ADCY2: variants seen among roughly 807,000 people sequenced by gnomAD.
The protein encoded by ADCY2 is adenylate cyclase 2.
In ADCY2, 31 loss-of-function variants were observed where a neutral mutation model predicts 125.2. That is an observed-to-expected ratio of 0.25 (90% CI 0.19 to 0.33). The LOEUF (loss-of-function observed/expected upper bound fraction) is 0.33. Among genes scored for constraint, ADCY2 ranks in the 10% least tolerant of loss-of-function variants. ADCY2 has a pLI of 1.00. For synonymous variants in ADCY2, 512 were observed against 548.4 expected (o/e 0.93, Z 0.93); for missense variants, 904 against 1,418.2 (o/e 0.64, Z 5.82).
At chr5:7,770,763 C>T (rs1743529814) in intron 17 of ADCY2, among the ~76,000 whole-genome samples, 1 of 152,158 alleles carries the variant, frequency 6.6e-6, no homozygotes, top group Non-Finnish European at 1.5e-5. Context: ...TTTTAAAATA[C>T]TCAAGACTAT....
At chr5:7,585,951 T>C (rs1180756766) in intron 3 of ADCY2, among the ~76,000 whole-genome samples, 2 of 152,232 alleles carry the variant, frequency 1.3e-5, no homozygotes, top group African/African-American at 4.8e-5. Context: ...CTTAAATATA[T>C]ACAGTTTCTT....
In ADCY2 at chr5:7,761,114, T is replaced by C. The variant is rs576594765; in HGVS notation, c.2094+3528T>C. 3.3e-5 allele frequency among the ~76,000 whole-genome samples: 5 copies of C among 151,712 alleles called. No homozygotes were observed. In the South Asian group the frequency reaches 8.3e-4, roughly 25 times the overall value. On this transcript the variant is annotated intron_variant, in intron 16 of 24. Transcript: ENST00000338316. ...AGGCTGGATAATATTCCATTGTGTA[T>C]GTGTGTGTATCAAAATTTCTTTTCT... is the stretch of plus-strand genomic sequence containing the variant.
intron 4 of ADCY2, among the ~76,000 whole-genome samples, chr5:7,651,952 A>G (rs1021029113): frequency 5.9e-5 from 9 of 152,048 alleles, no homozygotes; most frequent in African/African-American, 1.9e-4. Flanking sequence ...ACAGGTGCAC[A>G]CTACCATGAC....
intron 3 of ADCY2, among the ~76,000 whole-genome samples, chr5:7,533,729 T>G (rs1261683571): frequency 6.6e-6 from 1 of 152,218 alleles, no homozygotes; most frequent in Non-Finnish European, 1.5e-5. Flanking sequence ...TTTCAGGCAA[T>G]AGGAGATTTA....
intron 3 of ADCY2, among the ~76,000 whole-genome samples, chr5:7,589,326 A>C (rs1736736034): frequency 1.3e-5 from 2 of 148,770 alleles, no homozygotes; most frequent in South Asian, 4.4e-4. Context: ...TTTTTACAAA[A>C]TATGCATAGA....
chr5:7,643,220 C>T (rs901251241), intron 4 of ADCY2, among the ~76,000 whole-genome samples: 32 of 151,912 alleles, frequency 2.1e-4, no homozygotes, highest in African/African-American at 7.7e-4. Flanking sequence ...ATTTAAATGT[C>T]TATTCTAAAA....
intron 16 of ADCY2, among the ~76,000 whole-genome samples, chr5:7,758,709 A>G (rs976111123): frequency 2.6e-4 from 20 of 76,174 alleles, no homozygotes; most frequent in Non-Finnish European, 1.9e-4. Context: ...GAAGGCAGCA[A>G]CAGAGGCATG....
chr5:7,505,534 C>T (rs1301216681), intron 2 of ADCY2, among the ~76,000 whole-genome samples: 1 of 152,190 alleles, frequency 6.6e-6, no homozygotes, highest in Non-Finnish European at 1.5e-5. Flanking sequence ...GAGCCGAGGA[C>T]TGTGCAGGAA....
chr5:7,565,812 A>G (rs184009395), intron 3 of ADCY2, among the ~76,000 whole-genome samples: 8 of 152,302 alleles, frequency 5.3e-5, no homozygotes, highest in East Asian at 1.9e-4. Flanking sequence ...GCATTGCCAA[A>G]TGACGATTAA....
intron 3 of ADCY2, among the ~76,000 whole-genome samples, chr5:7,540,585 A>G (rs1389990817): frequency 6.6e-6 from 1 of 152,198 alleles, no homozygotes; most frequent in African/African-American, 2.4e-5. Context: ...TTAGGCACAC[A>G]TGCCATAATT....
At chr5:7,683,719 G>A (rs2126717104) in intron 4 of ADCY2, among the ~76,000 whole-genome samples, 1 of 152,346 alleles carries the variant, frequency 6.6e-6, no homozygotes, top group African/African-American at 2.4e-5. Context: ...TCCATTGCAA[G>A]TGTAGCATGT....
intron 20 of ADCY2, chr5:7,794,194 G>T (rs998139023): frequency 2.6e-5 from 4 of 152,288 alleles, no homozygotes; most frequent in African/African-American, 4.8e-5. Context: ...GGGCTGCAGG[G>T]TTCTCTGTAC....
At position 7,668,260 on chromosome 5, in the gene ADCY2, G is replaced by T. The variant is rs554365093; in HGVS notation, c.721-22431G>T. ...TAAATCAGATTACCCTCTATAATGC[G>T]GGTGAGCCTCATCCATTCAGCTGAA... On this transcript the variant is annotated intron_variant, in intron 4 of 24. Transcript: ENST00000338316. Among the ~76,000 whole-genome samples, 3 of 152,236 alleles carry T rather than the reference G, an allele frequency of 2.0e-5. No individual in the cohort carries two copies. The South Asian group carries it at 6.2e-4, about 32-fold the overall frequency.
chr5:7,629,957 C>T (rs1738261160), intron 4 of ADCY2, among the ~76,000 whole-genome samples: 1 of 152,200 alleles, frequency 6.6e-6, no homozygotes, highest in African/African-American at 2.4e-5. Context: ...AATAAACCCT[C>T]TTTAATTTAT....
rs1249968658 is a variant in ADCY2, at chr5:7,414,446, A to G, written c.211-127A>G. 10 of 792,372 alleles carry G rather than the reference A, an allele frequency of 1.3e-5. No homozygotes were observed. The Middle Eastern group carries it at 7.9e-4, about 63-fold the overall frequency. The allele number at this position is 792,372 out of a possible 1,614,324, so 49.1% of individuals were successfully genotyped here. ...TAAATGTTCAAACTGTTCTACTTTC[A>G]AAACAATTTCTTAAACCCAATATAT... is the stretch of plus-strand genomic sequence containing the variant. On this transcript the variant is annotated intron_variant, in intron 1 of 24. Transcript: ENST00000338316.
intron 23 of ADCY2, among the ~76,000 whole-genome samples, chr5:7,817,200 G>A (rs1014054969): frequency 8.6e-5 from 13 of 151,836 alleles, no homozygotes; most frequent in Admixed American, 1.3e-4. Flanking sequence ...TCAAGGTCGC[G>A]TCTACAAACA....
At position 7,501,639 on chromosome 5, in the gene ADCY2, T is replaced by TCCCCCCTC. The variant is rs1238151968; in HGVS notation, c.409-19092_409-19085dup. 3.1e-3 allele frequency among the ~76,000 whole-genome samples: 115 copies of TCCCCCCTC among 37,208 alleles called. 1 individual carries two copies. Among genetic ancestry groups the TCCCCCCTC allele is most frequent in the African/African-American group, 8.4e-3 (89 of 10,566 alleles). The allele number at this position is 37,208 out of a possible 152,430, so 24.4% of individuals were successfully genotyped here. A position where few individuals can be genotyped will look rare whatever the true frequency, so the allele number is the denominator to read the frequency against. Reference sequence around the variant, plus strand: ...ATATCCCATCAAAAAAGAATGAGATTCCCCCCTCCCCCCCCCCCCGCCAGT... The same window carrying TCCCCCCTC: ...ATATCCCATCAAAAAAGAATGAGATTCCCCCCTCCCCCCCTCCCCCCCCCCCCGCCAGT... On this transcript the variant is annotated intron_variant, in intron 2 of 24. Coordinates refer to ENST00000338316, the MANE Select transcript of ADCY2 (RefSeq NM_020546.3).
chr5:7,562,157 C>T (rs10475383), intron 3 of ADCY2, among the ~76,000 whole-genome samples: 7 of 151,584 alleles, frequency 4.6e-5, no homozygotes, highest in Admixed American at 3.3e-4. Context: ...TAATATTTGG[C>T]GCTTCTAACA....
chr5:7,695,643 T>C, intron 5 of ADCY2, 109 bp from the exon 6 acceptor site: 1 of 549,510 alleles, frequency 1.8e-6, no homozygotes, highest in Non-Finnish European at 3.0e-6. Flanking sequence ...CTCATGAAAA[T>C]ATAAAGTATA....
Sources: allele counts gnomAD v4.1 joint callset (sites outside exome capture counted in the v4.1 genomes callset), GRCh38; gene constraint gnomAD v4.1.1; transcripts MANE v1.5; gene names NCBI Gene and HGNC (gene_info 2026-07-23, HGNC 2026-07-21).